Variants in SBF1 observed in about 807,000 individuals in gnomAD.
The protein encoded by SBF1 is myotubularin-related protein 5.
In SBF1, 65 loss-of-function variants were observed where a neutral mutation model predicts 215.8. The ratio of observed to expected loss-of-function variants is 0.30; its 90% CI spans 0.25 to 0.37. The LOEUF (loss-of-function observed/expected upper bound fraction) is 0.37, where lower values mean the gene tolerates loss of function less well. Ranked by LOEUF, SBF1 falls within the 10% of genes least tolerant of loss-of-function variation. The pLI, the probability that SBF1 is intolerant of heterozygous loss-of-function variation, is 1.00. For missense variants in SBF1, 2,634 were observed against 2,667.8 expected, an observed-to-expected ratio of 0.99 and a Z score of 0.28; for synonymous variants, 1,410 against 1,122.8, an observed-to-expected ratio of 1.26 and a Z score of -5.11.
intron 31 of SBF1, 172 bp downstream of exon 31, chr22:50,456,044 C>G (rs1488077524): frequency 1.4e-6 from 1 of 712,696 alleles, no homozygotes; most frequent in East Asian, 2.8e-5. Context: ...CCAGCCAGGC[C>G]CAGCCTCCCA....
In SBF1 at chr22:50,463,341, G is replaced by A. The variant is rs183532262; in HGVS notation, c.1841C>T (p.Ala614Val). Reference sequence around the variant, plus strand: ...GTCAAACTGCTGGTGGTCCAGGACCGCACGGTTCTGCTGCACATGCAGGTG... The same window carrying A: ...GTCAAACTGCTGGTGGTCCAGGACCACACGGTTCTGCTGCACATGCAGGTG... ...ELHLHVQQNR[A>V]VLDHQQFDFV... The change falls in exon 16 of 41, where the codon GCG (alanine) becomes GTG (valine). Residue 614 changes from alanine to valine, a missense_variant. Ala to Val is a moderately conservative substitution (Grantham distance 64, BLOSUM62 0). Coordinates refer to ENST00000380817, the MANE Select transcript of SBF1 (RefSeq NM_002972.4). 9 of 1,611,766 alleles carry A rather than the reference G, an allele frequency of 5.6e-6. No homozygotes were observed. The East Asian group carries it at 6.7e-5, about 12-fold the overall frequency.
intron 21 of SBF1, 28 bp downstream of exon 21, chr22:50,461,768 C>T: frequency 6.2e-7 from 1 of 1,611,710 alleles, no homozygotes. Context: ...GGCCTTGGGC[C>T]CCCGCAGCCC....
At position 50,460,059 on chromosome 22, in the gene SBF1, G is replaced by T. The variant is rs367546828; in HGVS notation, c.3384C>A (p.Arg1128=). 1 of 1,613,964 alleles carries T rather than the reference G, an allele frequency of 6.2e-7. No individual in the cohort carries two copies. The highest frequency in any genetic ancestry group is 8.5e-7 in the Non-Finnish European group (1 of 1,179,980). Residue 1128 remains arginine, a synonymous_variant, in exon 26 of 41, where the codon CGC becomes CGA. Transcript: ENST00000380817. The stretch of plus-strand genomic sequence containing the variant: ...TGCCCAGACCGAGGCGCTGGTAGTC[G>T]CGACAGCAAGCCCTTTCCACCAGGC... ...MSSLVERACC[R]DYQRLGLGTL...
intron 28 of SBF1, 94 bp from the exon 29 acceptor site, chr22:50,457,205 C>A (rs2067290478): frequency 3.9e-6 from 4 of 1,027,822 alleles, no homozygotes; most frequent in Non-Finnish European, 5.3e-6. Flanking sequence ...TCCACCAAGC[C>A]CCCAGGGAGC....
At chr22:50,449,146 T>C (rs989608358) in intron 36 of SBF1, among the ~76,000 whole-genome samples, 1 of 150,586 alleles carries the variant, frequency 6.6e-6, no homozygotes, top group Non-Finnish European at 1.5e-5. Context: ...CACACCAGCA[T>C]GGGCAACAAG....
At chr22:50,458,056 T>C (rs2067328161) in intron 28 of SBF1, among the ~76,000 whole-genome samples, 1 of 152,004 alleles carries the variant, frequency 6.6e-6, no homozygotes, top group Non-Finnish European at 1.5e-5. Context: ...TCCCAGCACT[T>C]TGGGAGGCCG....
chr22:50,448,974 G>A (rs554356367), intron 36 of SBF1, among the ~76,000 whole-genome samples: 4 of 151,986 alleles, frequency 2.6e-5, no homozygotes, highest in South Asian at 2.1e-4. Context: ...TTGGGAGGCC[G>A]ATCACCTGAG....
Position 50,456,394 on chromosome 22 carries a change from C to T in SBF1, c.4088G>A (p.Gly1363Asp), listed in dbSNP as rs751843428. 3 of 1,612,020 alleles carry T rather than the reference C, an allele frequency of 1.9e-6. No homozygotes were observed. The highest frequency in any genetic ancestry group is 1.7e-6 in the Non-Finnish European group (2 of 1,179,860). ...CTGCTGCAGGGGGTCTGACCGCACA[C>T]CCTGAAAAGAATCCGGACAAGTCCC... is the stretch of plus-strand genomic sequence containing the variant. ...YILGDKAQLK[G>D]VRSDPLQQWE... Residue 1363 changes from glycine to aspartate, a missense_variant and splice_region_variant, in exon 31 of 41, where the codon GGT (glycine) becomes GAT (aspartate). Transcript: ENST00000380817.
In SBF1 at chr22:50,464,733, G is replaced by A; in HGVS notation, c.1437C>T (p.Asn479=). 6.2e-7 allele frequency: 1 copy of A among 1,608,032 alleles called. No individual in the cohort carries two copies. The highest frequency in any genetic ancestry group is 1.1e-5 in the South Asian group (1 of 90,796). The part of the protein sequence containing the change: ...ELAEQLYKNE[N]PYPAVAMHKV... Reference sequence around the variant, plus strand: ...TGTGCATCGCCACGGCTGGGTACGGGTTCTCCTGTGGGGAGACGGCAGGTG... The same window carrying A: ...TGTGCATCGCCACGGCTGGGTACGGATTCTCCTGTGGGGAGACGGCAGGTG... Residue 479 remains asparagine (N), a synonymous_variant, in exon 14 of 41, where the codon AAC becomes AAT. Transcript: ENST00000380817.
In SBF1 at chr22:50,446,609, C is replaced by T; in HGVS notation, c.*533G>A. Reference sequence around the variant, plus strand: ...GGAATCAAGCAAGTCCCCAGTGAAGCCTCCTGCTCGATCCGCCCCCAGAGC... The same window carrying T: ...GGAATCAAGCAAGTCCCCAGTGAAGTCTCCTGCTCGATCCGCCCCCAGAGC... On this transcript the variant is annotated 3_prime_UTR_variant, in exon 41 of 41. Transcript: ENST00000380817. 2.9e-6 allele frequency: 1 copy of T among 343,106 alleles called. No homozygotes were observed. Among genetic ancestry groups the T allele is most frequent in the Non-Finnish European group, 5.8e-6 (1 of 172,994 alleles). 21.3% of individuals were successfully genotyped at this position (343,106 alleles called of 1,614,324 possible).
In SBF1 at chr22:50,448,426, G is replaced by A. The variant is rs759711271; in HGVS notation, c.5170C>T (p.Leu1724Phe). 2.5e-6 allele frequency: 4 copies of A among 1,613,608 alleles called. No individual in the cohort carries two copies. Among genetic ancestry groups the A allele is most frequent in the Admixed American group, 1.7e-5 (1 of 60,002 alleles). ...CGGTGGTGGGGTGCGGTGGACACAA[G>A]GAGGGAGCTAGGGGTGCCCTGGGAA... is the stretch of plus-strand genomic sequence containing the variant. ...PDGRGTPSSLLVSTAPHHRRS... is the reference protein window; with the variant it reads ...PDGRGTPSSLFVSTAPHHRRS... The change falls in exon 38 of 41, where the codon CTT becomes TTT. Residue 1724 changes from leucine to phenylalanine, a missense_variant. Transcript: ENST00000380817.
chr22:50,455,125 G>A lies in SBF1; in HGVS notation c.4572C>T (p.Pro1524=), dbSNP rs1178142988. ...DCVHQVHLQF[P]MEFEFSQFYL... is the part of the protein sequence containing the mutation. ...AGAACTGGCTGAACTCAAACTCCATGGGGAACTGCAGGTGGACCTGCACGC... is the reference window on the plus strand; with the variant it reads ...AGAACTGGCTGAACTCAAACTCCATAGGGAACTGCAGGTGGACCTGCACGC... Residue 1524 remains proline, a synonymous_variant, in exon 34 of 41, where the codon CCC becomes CCT. Coordinates refer to ENST00000380817, the MANE Select transcript of SBF1 (RefSeq NM_002972.4). 2 of 1,614,098 alleles carry A rather than the reference G, an allele frequency of 1.2e-6. No individual in the cohort carries two copies. The highest frequency in any genetic ancestry group is 1.3e-5 in the African/African-American group (1 of 75,068).
Position 50,456,550 on chromosome 22 carries a change from C to T in SBF1, c.4028G>A (p.Gly1343Asp), listed in dbSNP as rs2067258910. ...PQANGGPPDP[G>D]FLRPQRAALY... Reference sequence around the variant, plus strand: ...GGCTGCTCGCTGCGGACGCAGGAAGCCCGGGTCGGGAGGGCCCCCGTTGGC... The same window carrying T: ...GGCTGCTCGCTGCGGACGCAGGAAGTCCGGGTCGGGAGGGCCCCCGTTGGC... Residue 1343 changes from glycine (G) to aspartate (D), a missense_variant, in exon 30 of 41, where the codon GGC becomes GAC. Transcript: ENST00000380817. 8 of 1,587,482 alleles carry T rather than the reference C, an allele frequency of 5.0e-6. No individual in the cohort carries two copies. The African/African-American group carries it at 8.1e-5, about 16-fold the overall frequency.
chr22:50,448,235 G>C lies in SBF1; in HGVS notation c.5361C>G (p.Asn1787Lys). The C allele has an allele frequency of 6.2e-7, 1 of 1,611,662 alleles. No individual in the cohort carries two copies. The highest frequency in any genetic ancestry group is 8.5e-7 in the Non-Finnish European group (1 of 1,179,872). Reference sequence around the variant, plus strand: ...GGCAGTGGGAGGTGCCCTCATACCTGTTCTCACTCTCTGCTGTCTGGAACT... The same window carrying C: ...GGCAGTGGGAGGTGCCCTCATACCTCTTCTCACTCTCTGCTGTCTGGAACT... ...YSQFQTAESE[N>K]RSYEGTLYKK... The change falls in exon 38 of 41, where the codon AAC becomes AAG. Residue 1787 changes from asparagine to lysine, a missense_variant and splice_region_variant. Asn to Lys is a moderately conservative substitution (Grantham distance 94). Transcript: ENST00000380817.
intron 1 of SBF1, among the ~76,000 whole-genome samples, chr22:50,473,549 G>C (rs563774531): frequency 6.6e-6 from 1 of 152,210 alleles, no homozygotes; most frequent in Admixed American, 6.5e-5. Context: ...GAGCAGAGAG[G>C]AGTGTGTGCT....
rs1569507743 is a variant in SBF1, at chr22:50,447,005, C to T, written c.*137G>A. 3.8e-6 allele frequency: 3 copies of T among 790,516 alleles called. No homozygotes were observed. Among genetic ancestry groups the T allele is most frequent in the Non-Finnish European group, 6.4e-6 (3 of 470,932 alleles). 49.0% of individuals were successfully genotyped at this position (790,516 alleles called of 1,614,324 possible). On this transcript the variant is annotated 3_prime_UTR_variant, in exon 41 of 41. Transcript: ENST00000380817. ...GGGCGGGGCGGGGCGGGGACGGGGG[C>T]TGTACACACAAGTGCTGGGGGCTCG...
intron 36 of SBF1, among the ~76,000 whole-genome samples, chr22:50,453,163 C>T (rs1451985543): frequency 6.6e-6 from 1 of 152,092 alleles, no homozygotes; most frequent in Non-Finnish European, 1.5e-5. Flanking sequence ...GTACAAGAAA[C>T]TCACCTTAAA....
chr22:50,463,483 C>A, intron 15 of SBF1, 51 bp from the exon 16 acceptor site: 1 of 1,492,576 alleles, frequency 6.7e-7, no homozygotes, highest in South Asian at 1.3e-5. Flanking sequence ...AAGACCCACT[C>A]GGGGCCCTGG....
intron 36 of SBF1, among the ~76,000 whole-genome samples, chr22:50,454,139 T>C (rs1295563600): frequency 6.6e-6 from 1 of 152,116 alleles, no homozygotes; most frequent in Non-Finnish European, 1.5e-5. Context: ...GGGCAGGCGG[T>C]CTGGCAGAGG....
Sources: gnomAD v4.1 joint callset for allele counts (sites outside exome capture counted in the v4.1 genomes callset) on GRCh38, gnomAD v4.1.1 for gene constraint, MANE v1.5 for transcripts, NCBI Gene and HGNC (gene_info 2026-07-23, HGNC 2026-07-21) for gene names.